The following SLC24A1 variants were observed in gnomAD, a reference collection of about 807,000 sequenced individuals.
SLC24A1 encodes sodium/potassium/calcium exchanger 1.
A neutral mutation model predicts 88.1 loss-of-function variants in SLC24A1; 52 were observed. The ratio of observed to expected loss-of-function variants is 0.59; its 90% CI spans 0.47 to 0.74. The LOEUF is 0.74. Among genes scored for constraint, SLC24A1 ranks in the 30% least tolerant of loss-of-function variants. The probability of loss-of-function intolerance (pLI) is 0.00; values close to 1 mark genes in which losing one functional copy is unlikely to be tolerated. For missense variants in SLC24A1, 1,173 were observed against 1,363.3 expected, an observed-to-expected ratio of 0.86 and a Z score of 2.20; for synonymous variants, 455 against 498.0, an observed-to-expected ratio of 0.91 and a Z score of 1.15.
At chr15:65,660,183 G>A, downstream of SLC24A1, 1 of 794,794 alleles carries the variant, frequency 1.3e-6, no homozygotes, top group South Asian at 1.5e-5. Context: ...AGGAGAGGCA[G>A]ATATATGTGC....
chr15:65,655,926 A>G lies in SLC24A1; in HGVS notation c.*1847A>G. The G allele has an allele frequency of 2.0e-6, 2 of 985,324 alleles. No individual in the cohort carries two copies. The highest frequency in any genetic ancestry group is 2.4e-6 in the Non-Finnish European group (2 of 829,838). The allele number at this position is 985,324 out of a possible 1,614,324, so 61.0% of individuals were successfully genotyped here. Reference sequence around the variant, plus strand: ...TCATTTGGTCAGAATCCTCCCGAGAAGACTGATGAAGAGTATGGAATCATG... The same window carrying G: ...TCATTTGGTCAGAATCCTCCCGAGAGGACTGATGAAGAGTATGGAATCATG... On this transcript the variant is annotated 3_prime_UTR_variant, in exon 10 of 10. Coordinates refer to ENST00000261892, the MANE Select transcript of SLC24A1 (RefSeq NM_004727.3).
At chr15:65,630,490 CT>C (rs1442258338) in intron 2 of SLC24A1, among the ~76,000 whole-genome samples, 4 of 152,184 alleles carry the variant, frequency 2.6e-5, no homozygotes, top group African/African-American at 7.2e-5. Flanking sequence ...AGAACCCCCC[CT>C]GCCTCTGTGG....
At chr15:65,648,852 G>A (rs2075400528) in intron 6 of SLC24A1, among the ~76,000 whole-genome samples, 1 of 151,792 alleles carries the variant, frequency 6.6e-6, no homozygotes, top group Admixed American at 6.6e-5. Flanking sequence ...TGCCCAGGCT[G>A]GCCTGGAACT....
At chr15:65,644,775 G>A (rs567272545) in intron 5 of SLC24A1, among the ~76,000 whole-genome samples, 1 of 152,326 alleles carries the variant, frequency 6.6e-6, no homozygotes, top group African/African-American at 2.4e-5. Flanking sequence ...GTTTTCCACA[G>A]CTGGGGTAGG....
At chr15:65,633,715 C>T (rs369713154) in intron 2 of SLC24A1, among the ~76,000 whole-genome samples, 143 of 152,214 alleles carry the variant, frequency 9.4e-4, no homozygotes, top group African/African-American at 3.3e-3. Flanking sequence ...AATGTGGCTA[C>T]TAAAAAATTA....
At chr15:65,618,843 A>G (rs987149735), upstream of SLC24A1, 3 of 152,256 alleles carry the variant, frequency 2.0e-5, no homozygotes, top group Admixed American at 1.3e-4. Context: ...GGCCACACTG[A>G]AGTCCTCTGA....
At position 65,638,129 on chromosome 15, in the gene SLC24A1, C is replaced by G; in HGVS notation, c.1892C>G (p.Pro631Arg). 6.2e-7 allele frequency: 1 copy of G among 1,608,378 alleles called. No individual in the cohort carries two copies. The highest frequency in any genetic ancestry group is 1.7e-4 in the Middle Eastern group (1 of 6,048). The change falls in exon 3 of 10, where the codon CCG becomes CGG. Residue 631 changes from proline (P) to arginine (R), a missense_variant and splice_region_variant. By Grantham distance (103) the Pro-to-Arg change is moderately radical (BLOSUM62 -2). Transcript: ENST00000261892. Reference sequence around the variant, plus strand: ...CGTGACTCCTCTCCCTGTTTGCAGCCGGGCGATGGGGCCATTGCGGTGGAT... The same window carrying G: ...CGTGACTCCTCTCCCTGTTTGCAGCGGGGCGATGGGGCCATTGCGGTGGAT... ...KVMALEDLSKPGDGAIAVDEL... is the reference protein window; with the variant it reads ...KVMALEDLSKRGDGAIAVDEL...
chr15:65,653,128 A>T (rs2075559561), intron 9 of SLC24A1, among the ~76,000 whole-genome samples: 1 of 152,200 alleles, frequency 6.6e-6, no homozygotes, highest in East Asian at 1.9e-4. Context: ...GATTGGAAGG[A>T]GCAATGACTC....
chr15:65,660,491 A>G, downstream of SLC24A1: 1 of 538,528 alleles, frequency 1.9e-6, no homozygotes, highest in Middle Eastern at 2.9e-4. Flanking sequence ...TTCACTAATG[A>G]TAATGTGTGC....
intron 2 of SLC24A1, among the ~76,000 whole-genome samples, chr15:65,635,344 G>A (rs984765811): frequency 7.3e-5 from 11 of 149,820 alleles, no homozygotes; most frequent in African/African-American, 2.7e-4. Context: ...GCTGGGCCTG[G>A]TGGTGCACAC....
rs899192502 is a variant in SLC24A1, at chr15:65,625,824, G to A, written c.1744G>A (p.Ala582Thr). 1 of 1,614,014 alleles carries A rather than the reference G, an allele frequency of 6.2e-7. No individual in the cohort carries two copies. Among genetic ancestry groups the A allele is most frequent in the Non-Finnish European group, 8.5e-7 (1 of 1,179,888 alleles). ...LILFFLDSLIAWWESLLLLLA... is the reference protein window; with the variant it reads ...LILFFLDSLITWWESLLLLLA... ...CCTCTTCTTCCTGGACAGCCTCATTGCCTGGTGGGAGAGCCTGCTGCTGCT... is the reference window on the plus strand; with the variant it reads ...CCTCTTCTTCCTGGACAGCCTCATTACCTGGTGGGAGAGCCTGCTGCTGCT... The change falls in exon 2 of 10, where the codon GCC becomes ACC. Residue 582 changes from alanine (A) to threonine (T), a missense_variant. Physicochemically the swap from Ala to Thr is moderately conservative, Grantham distance 58. Transcript: ENST00000261892.
At chr15:65,647,244 G>A (rs769219203) in intron 6 of SLC24A1, among the ~76,000 whole-genome samples, 5 of 152,090 alleles carry the variant, frequency 3.3e-5, no homozygotes, top group East Asian at 1.9e-4. Flanking sequence ...TTGGGAGGCC[G>A]AGGCAGGAGG....
chr15:65,634,435 C>G (rs981696587), intron 2 of SLC24A1, among the ~76,000 whole-genome samples: 1 of 152,172 alleles, frequency 6.6e-6, no homozygotes, highest in Non-Finnish European at 1.5e-5. Flanking sequence ...ACCTCAGCCT[C>G]TTGCTAACTG....
At chr15:65,659,334 T>TG (rs2075782477), downstream of SLC24A1, 1 of 124,978 alleles carries the variant, frequency 8.0e-6, no homozygotes, top group African/African-American at 3.0e-5. Context: ...TTTTTTTTTT[T>TG]TTTTTTTTTT....
chr15:65,638,106 T>C (rs1416833540), intron 2 of SLC24A1, 22 bp from the exon 3 acceptor site: 1 of 1,591,994 alleles, frequency 6.3e-7, no homozygotes, highest in Non-Finnish European at 8.6e-7. Flanking sequence ...CAACATCTCG[T>C]GACTCCTCTC....
intron 4 of SLC24A1, among the ~76,000 whole-genome samples, chr15:65,643,375 T>G (rs1418836035): frequency 1.8e-4 from 27 of 152,206 alleles, no homozygotes; most frequent in Non-Finnish European, 1.5e-5. Context: ...ATCAGTCCCC[T>G]GAGGATATGA....
At chr15:65,615,026 G>A (rs1029170977) in intron 2 of SLC24A1, among the ~76,000 whole-genome samples, 1 of 152,074 alleles carries the variant, frequency 6.6e-6, no homozygotes, top group African/African-American at 2.4e-5. Context: ...GACTAGCCTG[G>A]GCAACATAGA....
In SLC24A1 at chr15:65,651,853, T is replaced by C. The variant is rs62014378; in HGVS notation, c.2883+94T>C. 0.056 allele frequency: 41,023 copies of C among 734,600 alleles called. 1,329 individuals carry two copies. Among genetic ancestry groups the C allele is most frequent in the African/African-American group, 0.096 (5,557 of 57,814 alleles). The allele number at this position is 734,600 out of a possible 1,614,324, so 45.5% of individuals were successfully genotyped here. A position where few individuals can be genotyped will look rare whatever the true frequency, so the allele number is the denominator to read the frequency against. On this transcript the variant is annotated intron_variant, in intron 8 of 9. Coordinates refer to ENST00000261892, the MANE Select transcript of SLC24A1 (RefSeq NM_004727.3). ...TCCGGTACTCAGGGAATCTCGAGGA[T>C]CAAGTGAATTCGTGCAGTTTCTATG...
Position 65,638,132 on chromosome 15 carries a change from G to T in SLC24A1, c.1895G>T (p.Gly632Val). 1 of 1,609,612 alleles carries T rather than the reference G, an allele frequency of 6.2e-7. No homozygotes were observed. Among genetic ancestry groups the T allele is most frequent in the Non-Finnish European group, 8.5e-7 (1 of 1,177,756 alleles). The change falls in exon 3 of 10, where the codon GGC (glycine) becomes GTC (valine). Residue 632 changes from glycine (G) to valine (V), a missense_variant. Gly to Val is a moderately radical substitution (Grantham distance 109, BLOSUM62 -3). Transcript: ENST00000261892. ...GACTCCTCTCCCTGTTTGCAGCCGG[G>T]CGATGGGGCCATTGCGGTGGATGAG... Reference protein sequence around the residue: ...VMALEDLSKPGDGAIAVDELQ... With the variant: ...VMALEDLSKPVDGAIAVDELQ...
Sources: gnomAD v4.1 joint callset for allele counts (sites outside exome capture counted in the v4.1 genomes callset) on GRCh38, gnomAD v4.1.1 for gene constraint, MANE v1.5 for transcripts, NCBI Gene and HGNC (gene_info 2026-07-23, HGNC 2026-07-21) for gene names.